ARX: variants seen among roughly 807,000 people sequenced by gnomAD.
ARX encodes the protein homeobox protein ARX.
In ARX, 1 loss-of-function variant was observed where a neutral mutation model predicts 23.1. The observed-to-expected ratio is 0.04, with a 90% CI of 0.02 to 0.21. The LOEUF (loss-of-function observed/expected upper bound fraction) is 0.21, where lower values mean the gene tolerates loss of function less well. Ranked by LOEUF, ARX falls within the 10% of genes least tolerant of loss-of-function variation. The probability of loss-of-function intolerance (pLI) is 1.00; values close to 1 mark genes in which losing one functional copy is unlikely to be tolerated. For missense variants in ARX, 380 were observed against 527.5 expected (o/e 0.72, Z 2.74); for synonymous variants, 301 against 270.1 (o/e 1.11, Z -1.12).
Position 25,013,467 on chromosome X carries a change from G to A in ARX, c.528C>T (p.Arg176=), listed in dbSNP as rs757328674. 14 of 924,407 alleles carry A rather than the reference G, an allele frequency of 1.5e-5. No individual in the cohort carries two copies. The South Asian group carries it at 5.0e-4, about 33-fold the overall frequency. 76.2% of individuals were successfully genotyped at this position (924,407 alleles called of 1,213,427 possible). The change falls in exon 2 of 5, where the codon CGC becomes CGT. Residue 176 remains arginine (R), a synonymous_variant. Coordinates refer to ENST00000379044, the MANE Select transcript of ARX (RefSeq NM_139058.3). ...GCGGCACGAAGGGCGCCCCGTTCTC[G>A]CGGTACGACTTGCTGCGGCTGATGC... ...QVSISRSKSY[R]ENGAPFVPPP...
In ARX at chrX:25,004,188, T is replaced by G; in HGVS notation, c.*482A>C. On this transcript the variant is annotated 3_prime_UTR_variant, in exon 5 of 5. Transcript: ENST00000379044. ...TGTTAGCTATCTTACAGGCTCGCAT[T>G]TGCTTCCCGGGCCCTGGCTTCACGC... The G allele has an allele frequency of 8.1e-6, 1 of 123,086 alleles. No homozygotes were observed. The highest frequency in any genetic ancestry group is 1.7e-5 in the Non-Finnish European group (1 of 60,519). 10.1% of individuals were successfully genotyped at this position (123,086 alleles called of 1,213,427 possible). A position where few individuals can be genotyped will look rare whatever the true frequency, so the allele number is the denominator to read the frequency against.
At chrX:25,013,825 A>G in intron 1 of ARX, 27 bp from the exon 2 acceptor site, 3 of 909,994 alleles carry the variant, frequency 3.3e-6, no homozygotes, top group Admixed American at 6.1e-5. Context: ...GCTATCAGCC[A>G]GCCGGCCGGC....
chrX:25,007,358 G>C lies in ARX; in HGVS notation c.1201C>G (p.Pro401Ala). ...AQTHPPGLPF[P>A]GPLSATHPLS... ...GGGTGGGTGGCGGAGAGCGGCCCCGGGAAGGGCAGCCCAGGGGGGTGGGTC... is the reference window on the plus strand; with the variant it reads ...GGGTGGGTGGCGGAGAGCGGCCCCGCGAAGGGCAGCCCAGGGGGGTGGGTC... The change falls in exon 4 of 5, where the codon CCG (proline) becomes GCG (alanine). Residue 401 changes from proline (P) to alanine (A), a missense_variant. Physicochemically the swap from Pro to Ala is conservative, Grantham distance 27 (BLOSUM62 -1). This residue lies in a region of ARX where 121 missense variants were observed against 169.7 expected (regional missense o/e 0.71). Coordinates refer to ENST00000379044, the MANE Select transcript of ARX (RefSeq NM_139058.3). The C allele has an allele frequency of 8.7e-7, 1 of 1,148,368 alleles. No homozygotes were observed. The highest frequency in any genetic ancestry group is 1.2e-6 in the Non-Finnish European group (1 of 869,170). The allele number at this position is 1,148,368 out of a possible 1,213,427, so 94.6% of individuals were successfully genotyped here.
chrX:25,012,641 C>T (rs1468496382), intron 2 of ARX, among the ~76,000 whole-genome samples: 2 of 113,179 alleles, frequency 1.8e-5, no homozygotes, highest in South Asian at 7.3e-4. Context: ...GTTTCTTTTC[C>T]TCTCTCTAAC....
At position 25,013,385 on chromosome X, in the gene ARX, G is replaced by A; in HGVS notation, c.610C>T (p.Arg204Cys). The change falls in exon 2 of 5, where the codon CGC becomes TGC. Residue 204 changes from arginine (R) to cysteine (C), a missense_variant. Arg to Cys is a radical substitution (Grantham distance 180). Around this residue, in one of 3 missense-constraint regions of ARX, gnomAD observed 235 missense variants for 270.2 expected, o/e 0.87. Coordinates refer to ENST00000379044, the MANE Select transcript of ARX (RefSeq NM_139058.3). ...GPGGVTHPEE[R>C]LGVAGGPGSA... ...CCCGGGCCGCCGGCCACGCCGAGGC[G>A]CTCCTCCGGGTGCGTGACGCCCCCC... 8.9e-7 allele frequency: 1 copy of A among 1,120,471 alleles called. No homozygotes were observed. The highest frequency in any genetic ancestry group is 1.2e-6 in the Non-Finnish European group (1 of 857,637). The allele number at this position is 1,120,471 out of a possible 1,213,427, so 92.3% of individuals were successfully genotyped here. A position where few individuals can be genotyped will look rare whatever the true frequency, so the allele number is the denominator to read the frequency against.
Position 25,013,359 on chromosome X carries a change from G to T in ARX, c.636C>A (p.Gly212=). 2 of 1,143,851 alleles carry T rather than the reference G, an allele frequency of 1.7e-6. No homozygotes were observed. The highest frequency in any genetic ancestry group is 3.4e-5 in the East Asian group (1 of 29,702). 94.3% of individuals were successfully genotyped at this position (1,143,851 alleles called of 1,213,427 possible). A position where few individuals can be genotyped will look rare whatever the true frequency, so the allele number is the denominator to read the frequency against. The change falls in exon 2 of 5, where the codon GGC becomes GGA. Residue 212 remains glycine (G), a synonymous_variant. Transcript: ENST00000379044. ...TGCCACCACCCGCAGCCGGGGCGCTGCCCGGGCCGCCGGCCACGCCGAGGC... is the reference window on the plus strand; with the variant it reads ...TGCCACCACCCGCAGCCGGGGCGCTTCCCGGGCCGCCGGCCACGCCGAGGC... ...EERLGVAGGP[G]SAPAAGGGTG...
chrX:25,007,503 C>G (rs1221115245), intron 3 of ARX, 64 bp from the exon 4 acceptor site: 1 of 1,105,621 alleles, frequency 9.0e-7, no homozygotes. Flanking sequence ...GGGCCCCTAC[C>G]CGTCCCTTCC....
chrX:25,015,023 C>T (rs2082059667), intron 1 of ARX, among the ~76,000 whole-genome samples: 1 of 112,001 alleles, frequency 8.9e-6, no homozygotes, highest in African/African-American at 3.3e-5. Flanking sequence ...TTGGAGAATC[C>T]CAGGAAGATG....
In ARX at chrX:25,004,526, C is replaced by A; in HGVS notation, c.*144G>T. ...GGAGCGCCGAGGGCTGCCATGCCCGCATCCAGACTGCTGTGAAGGCGGCTG... is the reference window on the plus strand; with the variant it reads ...GGAGCGCCGAGGGCTGCCATGCCCGAATCCAGACTGCTGTGAAGGCGGCTG... On this transcript the variant is annotated 3_prime_UTR_variant, in exon 5 of 5. Coordinates refer to ENST00000379044, the MANE Select transcript of ARX (RefSeq NM_139058.3). The A allele has an allele frequency of 9.6e-7, 1 of 1,042,356 alleles. No homozygotes were observed. Among genetic ancestry groups the A allele is most frequent in the Non-Finnish European group, 1.3e-6 (1 of 777,911 alleles). 85.9% of individuals were successfully genotyped at this position (1,042,356 alleles called of 1,213,427 possible). A position where few individuals can be genotyped will look rare whatever the true frequency, so the allele number is the denominator to read the frequency against.
rs398124510 is a variant in ARX at position 25,013,530 on chromosome X, GGCCGCGGCGGCCGCGGCCGCGGCT to G, written c.441_464del (p.Ala148_Ala155del). On this transcript the variant is annotated inframe_deletion, in exon 2 of 5. Coordinates refer to ENST00000379044, the MANE Select transcript of ARX (RefSeq NM_139058.3). ...CCTGGCTGATCTTGAGCGTGTCCCAGGCCGCGGCGGCCGCGGCCGCGGCTGCCGCGGCGGCCCCTGCGCCGTCCG... is the reference window on the plus strand; with the variant it reads ...CCTGGCTGATCTTGAGCGTGTCCCAGGCCGCGGCGGCCCCTGCGCCGTCCG... 434 of 813,782 alleles carry G rather than the reference GGCCGCGGCGGCCGCGGCCGCGGCT, an allele frequency of 5.3e-4. 2 individuals are homozygous for G. Among genetic ancestry groups the G allele is most frequent in the Middle Eastern group, 1.3e-3 (2 of 1,577 alleles). 67.1% of individuals were successfully genotyped at this position (813,782 alleles called of 1,213,427 possible).
At chrX:25,007,475 C>T (rs767632805) in intron 3 of ARX, 36 bp from the exon 4 acceptor site, 11 of 1,138,706 alleles carry the variant, frequency 9.7e-6, no homozygotes, top group Non-Finnish European at 1.3e-5. Flanking sequence ...CGGCGCGGCT[C>T]GGCCCGGCGG....
Position 25,004,483 on chromosome X carries a change from G to A in ARX, c.*187C>T. Reference sequence around the variant, plus strand: ...GGCAGGGGCGGGTGGACAGCCAGCCGAGGAGGTGCCACGTCCCGGAGCGCC... The same window carrying A: ...GGCAGGGGCGGGTGGACAGCCAGCCAAGGAGGTGCCACGTCCCGGAGCGCC... On this transcript the variant is annotated 3_prime_UTR_variant, in exon 5 of 5. Transcript: ENST00000379044. 9.1e-6 allele frequency: 7 copies of A among 769,628 alleles called. No individual in the cohort carries two copies. Among genetic ancestry groups the A allele is most frequent in the Non-Finnish European group, 1.3e-5 (7 of 543,195 alleles). 63.4% of individuals were successfully genotyped at this position (769,628 alleles called of 1,213,427 possible). A position where few individuals can be genotyped will look rare whatever the true frequency, so the allele number is the denominator to read the frequency against.
intron 1 of ARX, 40 bp downstream of exon 1, chrX:25,015,502 C>G (rs2048722982): frequency 8.4e-7 from 1 of 1,192,822 alleles, no homozygotes; most frequent in East Asian, 3.0e-5. Flanking sequence ...CAAATCAGGG[C>G]CCAATGCCCT....
chrX:25,008,531 CAGGAGCA>C (rs2048688590), intron 3 of ARX, among the ~76,000 whole-genome samples: 2 of 111,629 alleles, frequency 1.8e-5, no homozygotes, highest in Admixed American at 9.4e-5. Context: ...AAATAAACCC[CAGGAGCA>C]TGAAATTATT....
chrX:25,007,479 C>G, intron 3 of ARX, 40 bp from the exon 4 acceptor site: 2 of 1,138,710 alleles, frequency 1.8e-6, no homozygotes, highest in Non-Finnish European at 2.3e-6. Flanking sequence ...GCGGCTCGGC[C>G]CGGCGGGCGC....
At chrX:25,012,891 C>T (rs1479484434) in intron 2 of ARX, 31 bp downstream of exon 2, 12 of 1,192,491 alleles carry the variant, frequency 1.0e-5, no homozygotes, top group Non-Finnish European at 1.4e-5. Flanking sequence ...CGCTCTCTGC[C>T]GCTGCGACCG....
chrX:25,007,886 G>A (rs2048685661), intron 3 of ARX, among the ~76,000 whole-genome samples: 1 of 111,034 alleles, frequency 9.0e-6, no homozygotes, highest in Non-Finnish European at 1.9e-5. Context: ...GGTAAAATAA[G>A]GCAAGTGAAA....
chrX:25,010,270 G>A lies in ARX; in HGVS notation c.1109C>T (p.Ala370Val). The A allele has an allele frequency of 8.3e-7, 1 of 1,208,794 alleles. No individual in the cohort carries two copies. The highest frequency in any genetic ancestry group is 1.1e-6 in the Non-Finnish European group (1 of 894,740). Residue 370 changes from alanine (A) to valine (V), a missense_variant, in exon 3 of 5, where the codon GCC becomes GTC. By Grantham distance (64) the Ala-to-Val change is moderately conservative (BLOSUM62 0). Transcript: ENST00000379044. ...TGTTGTGCAGCTCACCTGGACTCGG[G>A]CCTCGGTCAAGTCCAGCCTCATGGC... ...ELAMRLDLTE[A>V]RVQVWFQNRR... is the part of the protein sequence containing the mutation.
chrX:25,010,216 C>A, intron 3 of ARX, 44 bp downstream of exon 3: 1 of 1,198,148 alleles, frequency 8.3e-7, no homozygotes, highest in Non-Finnish European at 1.1e-6. Flanking sequence ...TCCCACTGGC[C>A]CCCAGCCCTC....
Sources: gnomAD v4.1 joint callset for allele counts (sites outside exome capture counted in the v4.1 genomes callset) on GRCh38, gnomAD v4.1.1 for gene constraint, gnomAD v4.1.1 regional missense constraint, MANE v1.5 for transcripts, NCBI Gene and HGNC (gene_info 2026-07-23, HGNC 2026-07-21) for gene names.